BPIFB2: variants seen among roughly 807,000 people sequenced by gnomAD.
BPIFB2 encodes the protein BPI fold containing family B member 2.
Under a neutral mutation model 50.1 loss-of-function variants are expected in BPIFB2, and 39 were observed. The ratio of observed to expected loss-of-function variants is 0.78; its 90% confidence interval spans 0.60 to 1.02. The LOEUF is 1.02. Ranked by LOEUF, BPIFB2 falls within the 50% of genes least tolerant of loss-of-function variation. The probability of loss-of-function intolerance (pLI) is 0.00; values close to 1 mark genes in which losing one functional copy is unlikely to be tolerated. For synonymous variants in BPIFB2, 280 were observed against 256.3 expected (o/e 1.09, Z -0.88); for missense variants, 574 against 585.8 (o/e 0.98, Z 0.21).
chr20:33,014,735 G>A (rs1283538684), intron 5 of BPIFB2, among the ~76,000 whole-genome samples: 1 of 152,248 alleles, frequency 6.6e-6, no homozygotes, highest in Non-Finnish European at 1.5e-5. Flanking sequence ...TCCCCAGAGA[G>A]GGATGTGGCT....
intron 11 of BPIFB2, 38 bp downstream of exon 11, chr20:33,019,788 T>G (rs1211174195): frequency 6.5e-7 from 1 of 1,542,552 alleles, no homozygotes; most frequent in East Asian, 2.3e-5. Flanking sequence ...CAGGCAACTG[T>G]CACAGAGACC....
chr20:33,020,643 A>G, intron 13 of BPIFB2, 56 bp downstream of exon 13: 1 of 1,512,320 alleles, frequency 6.6e-7, no homozygotes. Flanking sequence ...GCACACCTTG[A>G]GCCTGGGGAA....
intron 6 of BPIFB2, among the ~76,000 whole-genome samples, 196 bp from the exon 7 acceptor site, chr20:33,016,846 G>C (rs1038953815): frequency 1.3e-5 from 2 of 152,242 alleles, no homozygotes; most frequent in African/African-American, 4.8e-5. Context: ...CAGCCTTTGG[G>C]TTGCTTCTCC....
rs144717306 is a variant in BPIFB2 at position 33,012,871 on chromosome 20, T to C, written c.272T>C (p.Leu91Pro). ...TTCATTGCTGGTTTCGGAGTGCGCC[T>C]GCTGGCAGCAGCTAATTTTACTTTC... ...LKFIAGFGVR[L>P]LAAANFTFKV... is the part of the protein sequence containing the mutation. Residue 91 changes from leucine (L) to proline (P), a missense_variant, in exon 4 of 16, where the codon CTG becomes CCG. Coordinates refer to ENST00000170150, the MANE Select transcript of BPIFB2 (RefSeq NM_025227.3). The C allele has an allele frequency of 3.4e-5, 55 of 1,613,904 alleles. No homozygotes were observed. The highest frequency in any genetic ancestry group is 4.6e-5 in the Non-Finnish European group (54 of 1,179,916).
Position 33,009,882 on chromosome 20 carries a change from C to T in BPIFB2, c.110-1142C>T, listed in dbSNP as rs1600510178. 1.3e-5 allele frequency among the ~76,000 whole-genome samples: 2 copies of T among 152,356 alleles called. No individual in the cohort carries two copies. Among genetic ancestry groups the T allele is most frequent in the South Asian group, 4.1e-4 (2 of 4,830 alleles). ...GTGGCTACTTCCAGTGTCCTCCCCACCCCATCCTGCAAGCCCCAGAGTTCA... is the reference window on the plus strand; with the variant it reads ...GTGGCTACTTCCAGTGTCCTCCCCATCCCATCCTGCAAGCCCCAGAGTTCA... On this transcript the variant is annotated intron_variant, in intron 2 of 15. Coordinates refer to ENST00000170150, the MANE Select transcript of BPIFB2 (RefSeq NM_025227.3). The surrounding 1 kb of genome is among the most constrained non-coding windows in gnomAD (Gnocchi z 4.2).
At chr20:33,015,588 T>G (rs1600513111) in intron 6 of BPIFB2, 92 bp downstream of exon 6, 144 of 1,137,806 alleles carry the variant, frequency 1.3e-4, no homozygotes, top group Non-Finnish European at 1.6e-4. Context: ...AGGGGGTACT[T>G]TGCTTGGGAT....
At chr20:33,008,747 G>T in intron 2 of BPIFB2, 64 bp downstream of exon 2, 1 of 1,361,082 alleles carries the variant, frequency 7.3e-7, no homozygotes, top group South Asian at 1.4e-5. Context: ...TCCTAAGTGT[G>T]TGTGCGTAGC....
At chr20:33,018,197 T>A (rs1778391367) in intron 7 of BPIFB2, 62 bp from the exon 8 acceptor site, 1 of 1,259,920 alleles carries the variant, frequency 7.9e-7, no homozygotes, top group Non-Finnish European at 1.1e-6. Flanking sequence ...TCTGGATAGA[T>A]GAAACGTTGG....
At chr20:33,021,617 G>A (rs1978675595) in intron 14 of BPIFB2, 106 bp from the exon 15 acceptor site, 1 of 1,179,932 alleles carries the variant, frequency 8.5e-7, no homozygotes, top group Non-Finnish European at 1.3e-6. Flanking sequence ...AACAATAATG[G>A]CATCCATCTT....
rs371717562 is a variant in BPIFB2 at position 33,018,787 on chromosome 20, G to A, written c.820G>A (p.Ala274Thr). 144 of 1,613,638 alleles carry A rather than the reference G, an allele frequency of 8.9e-5. No homozygotes were observed. The highest frequency in any genetic ancestry group is 1.1e-4 in the Non-Finnish European group (134 of 1,179,904). The change falls in exon 9 of 16, where the codon GCC becomes ACC. Residue 274 changes from alanine (A) to threonine (T), a missense_variant. By Grantham distance (58) the Ala-to-Thr change is moderately conservative. Transcript: ENST00000170150. ...FDSALLLLQK[A>T]GALNLDITGQ... ...CTCTGCGCTCCTGCTGCTGCAGAAG[G>A]CCGGTGCCCTCAACCTGGACATCAC...
chr20:33,013,937 G>C lies in BPIFB2; in HGVS notation c.436G>C (p.Glu146Gln), dbSNP rs748992554. Residue 146 changes from glutamate to glutamine, a missense_variant, in exon 5 of 16, where the codon GAG becomes CAG. Glu to Gln is a conservative substitution (Grantham distance 29). Transcript: ENST00000170150. The part of the protein sequence containing the change: ...ACSLFSGHAN[E>Q]FDGSNSTSHA... ...CTCTTTATTCTCGGGCCACGCCAAC[G>C]AGTTTGATGGCAGTAACAGGTGGGT... 1 of 1,613,706 alleles carries C rather than the reference G, an allele frequency of 6.2e-7. No homozygotes were observed. Among genetic ancestry groups the C allele is most frequent in the Non-Finnish European group, 8.5e-7 (1 of 1,179,670 alleles).
chr20:33,020,306 C>T (rs1486153580), intron 11 of BPIFB2, 22 bp from the exon 12 acceptor site: 7 of 1,612,652 alleles, frequency 4.3e-6, no homozygotes, highest in Non-Finnish European at 5.9e-6. Flanking sequence ...GCCCTCTGAC[C>T]CTGCTCTCCC....
chr20:33,023,227 TC>T lies in BPIFB2; in HGVS notation c.1336-113del. On this transcript the variant is annotated intron_variant, in intron 15 of 15. Transcript: ENST00000170150. ...TGAGGCCCAGAGAGGCAAAGGACTC[TC>T]CTCACAACCCACAGCAAGAATGGCA... is the stretch of plus-strand genomic sequence containing the variant. 2.8e-6 allele frequency: 3 copies of T among 1,061,328 alleles called. No homozygotes were observed. In the Admixed American group the frequency reaches 5.5e-5, roughly 19 times the overall value. The allele number at this position is 1,061,328 out of a possible 1,614,324, so 65.7% of individuals were successfully genotyped here. A position where few individuals can be genotyped will look rare whatever the true frequency, so the allele number is the denominator to read the frequency against.
rs1440458327 is a variant in BPIFB2, at chr20:33,013,804, C to T, written c.309-6C>T. 4 of 1,612,108 alleles carry T rather than the reference C, an allele frequency of 2.5e-6. No individual in the cohort carries two copies. Among genetic ancestry groups the T allele is most frequent in the African/African-American group, 1.3e-5 (1 of 74,888 alleles). On this transcript the variant is annotated splice_region_variant and splice_polypyrimidine_tract_variant and intron_variant, in intron 4 of 15. Transcript: ENST00000170150. ...CTGCTCGGGCTCAGGACTGGCATCC[C>T]TACAGCGCCCCAGAGCCCCTGGAGC...
At chr20:33,012,932 G>T (rs758117205) in intron 4 of BPIFB2, 25 bp downstream of exon 4, 2 of 1,578,400 alleles carry the variant, frequency 1.3e-6, no homozygotes, top group African/African-American at 1.3e-5. Flanking sequence ...TTGTTAGGGG[G>T]TGAGAAGGGT....
rs200987554 is a variant in BPIFB2, at chr20:33,021,294, G to A, written c.1208G>A (p.Arg403His). ...CCGTGGCCACAGACAGATCAGGTGC[G>A]CACACTGATGGGCACCGTTTTTGAG... ...NVGFIDTDQV[R>H]TLMGTVFEKP... Residue 403 changes from arginine (R) to histidine (H), a missense_variant, in exon 14 of 16, where the codon CGC becomes CAC. Coordinates refer to ENST00000170150, the MANE Select transcript of BPIFB2 (RefSeq NM_025227.3). The A allele has an allele frequency of 2.2e-4, 358 of 1,613,746 alleles. No homozygotes were observed. The highest frequency in any genetic ancestry group is 1.9e-4 in the Non-Finnish European group (230 of 1,179,968).
intron 10 of BPIFB2, 83 bp from the exon 11 acceptor site, chr20:33,019,497 C>G (rs1978572319): frequency 7.1e-7 from 1 of 1,416,830 alleles, no homozygotes; most frequent in Admixed American, 2.3e-5. Flanking sequence ...CCATGGTGGC[C>G]CAATCAGCAT....
At chr20:33,012,311 A>G (rs1325792955) in intron 3 of BPIFB2, among the ~76,000 whole-genome samples, 1 of 152,230 alleles carries the variant, frequency 6.6e-6, no homozygotes, top group African/African-American at 2.4e-5. Context: ...CAGCTTCTGT[A>G]CGGGGACCTG....
In BPIFB2 at chr20:33,012,810, A is replaced by G; in HGVS notation, c.211A>G (p.Ile71Val). ...GEALQPTRIR[I>V]LNVHVPRLHL... ...TTGATTACTACCCTGCAGGATCCGG[A>G]TTCTGAATGTCCATGTGCCCCGCCT... The change falls in exon 4 of 16, where the codon ATT (isoleucine) becomes GTT (valine). Residue 71 changes from isoleucine (I) to valine (V), a missense_variant. By Grantham distance (29) the Ile-to-Val change is conservative (BLOSUM62 3). Coordinates refer to ENST00000170150, the MANE Select transcript of BPIFB2 (RefSeq NM_025227.3). The G allele has an allele frequency of 6.2e-7, 1 of 1,613,224 alleles. No individual in the cohort carries two copies. The highest frequency in any genetic ancestry group is 8.5e-7 in the Non-Finnish European group (1 of 1,179,282).
Sources: gnomAD v4.1 joint callset for allele counts (sites outside exome capture counted in the v4.1 genomes callset) on GRCh38, gnomAD v4.1.1 for gene constraint, Gnocchi (gnomAD v3.1) non-coding constraint, MANE v1.5 for transcripts, NCBI Gene and HGNC (gene_info 2026-07-23, HGNC 2026-07-21) for gene names.